THSD7B: variants seen among roughly 807,000 people sequenced by gnomAD.
THSD7B encodes the protein thrombospondin type 1 domain containing 7B.
THSD7B carries 138 observed loss-of-function variants against 213.6 expected under a neutral mutation model. That is an observed-to-expected ratio of 0.65 (90% CI 0.56 to 0.74). THSD7B has a LOEUF of 0.74. Among genes scored for constraint, THSD7B ranks in the 30% least tolerant of loss-of-function variants. THSD7B has a pLI of 0.00. For missense variants in THSD7B, 1,931 were observed against 1,991.5 expected, an observed-to-expected ratio of 0.97 and a Z score of 0.58; for synonymous variants, 742 against 687.0, an observed-to-expected ratio of 1.08 and a Z score of -1.25.
At chr2:137,560,477 C>G (rs1033857514) in intron 15 of THSD7B, among the ~76,000 whole-genome samples, 1 of 152,080 alleles carries the variant, frequency 6.6e-6, no homozygotes, top group African/African-American at 2.4e-5. Context: ...AAACCAAACA[C>G]CACATGTTCT....
At chr2:136,801,214 T>G (rs1169819270) in intron 1 of THSD7B, among the ~76,000 whole-genome samples, 1 of 152,130 alleles carries the variant, frequency 6.6e-6, no homozygotes, top group Admixed American at 6.6e-5. Context: ...CAAATAATTT[T>G]AGACTAAAAT....
chr2:137,050,907 G>A (rs1687061038), intron 2 of THSD7B, among the ~76,000 whole-genome samples: 2 of 152,186 alleles, frequency 1.3e-5, no homozygotes, highest in Non-Finnish European at 2.9e-5. Context: ...GCGTAACTCA[G>A]TAATGGATAT....
intron 12 of THSD7B, among the ~76,000 whole-genome samples, chr2:137,373,047 A>G (rs796289545): frequency 6.6e-6 from 1 of 151,832 alleles, no homozygotes; most frequent in African/African-American, 2.4e-5. Flanking sequence ...TTATGGCTGC[A>G]TAGTATTCCA....
At chr2:137,313,553 T>A (rs1205833238) in intron 12 of THSD7B, among the ~76,000 whole-genome samples, 1 of 151,246 alleles carries the variant, frequency 6.6e-6, no homozygotes, top group Non-Finnish European at 1.5e-5. Flanking sequence ...GTCATTATGA[T>A]GTTAGCTGGT....
At chr2:136,884,191 C>T (rs1024848362) in intron 2 of THSD7B, among the ~76,000 whole-genome samples, 2 of 152,110 alleles carry the variant, frequency 1.3e-5, no homozygotes, top group Admixed American at 6.6e-5. Flanking sequence ...CATGCGAAGT[C>T]GGCAGTTGAG....
Position 137,425,382 on chromosome 2 carries a change from A to C in THSD7B, c.2959+13510A>C, listed in dbSNP as rs530929497. On this transcript the variant is annotated intron_variant, in intron 14 of 27. Coordinates refer to ENST00000409968, the MANE Select transcript of THSD7B (RefSeq NM_001316349.2). ...CAGGCATGCACCACCACGCCCAGCT[A>C]ATTTTTGTAATTTTAGTAGAGGTGG... Among the ~76,000 whole-genome samples the C allele has an allele frequency of 4.9e-3, 749 of 151,852 alleles. 6 individuals are homozygous for C. Among genetic ancestry groups the C allele is most frequent in the African/African-American group, 0.017 (716 of 41,436 alleles).
chr2:137,205,178 T>G (rs1418824500), intron 7 of THSD7B, among the ~76,000 whole-genome samples: 1 of 152,070 alleles, frequency 6.6e-6, no homozygotes, highest in Non-Finnish European at 1.5e-5. Flanking sequence ...TGTTGCTGGA[T>G]AGAGTGCCAG....
intron 14 of THSD7B, 50 bp from the exon 15 acceptor site, chr2:137,450,795 G>T: frequency 7.5e-7 from 1 of 1,328,632 alleles, no homozygotes. Flanking sequence ...AAGTGAATTT[G>T]ATCAGTACAT....
intron 19 of THSD7B, 98 bp from the exon 20 acceptor site, chr2:137,620,507 GGTTA>G: frequency 7.4e-6 from 6 of 808,408 alleles, no homozygotes; most frequent in Non-Finnish European, 1.2e-5. Context: ...AATATGGAAA[GGTTA>G]TTATCACAGA....
intron 12 of THSD7B, among the ~76,000 whole-genome samples, chr2:137,384,794 G>T (rs796215253): frequency 1.3e-5 from 2 of 152,140 alleles, no homozygotes; most frequent in African/African-American, 4.8e-5. Flanking sequence ...TGGGGAAACT[G>T]CTCTAGGAGG....
chr2:137,213,030 T>TAAAAA (rs59100734), intron 7 of THSD7B, among the ~76,000 whole-genome samples: 27 of 126,752 alleles, frequency 2.1e-4, no homozygotes, highest in African/African-American at 7.3e-4. Flanking sequence ...ATCTGTATGC[T>TAAAAA]AAAAAAAAAA....
intron 12 of THSD7B, among the ~76,000 whole-genome samples, chr2:137,336,754 AT>A: frequency 6.6e-6 from 1 of 152,192 alleles, no homozygotes; most frequent in East Asian, 1.9e-4. Context: ...ACTTTTTCTT[AT>A]TTTTAGACCA....
At chr2:137,484,290 G>C (rs1046826680) in intron 15 of THSD7B, among the ~76,000 whole-genome samples, 1 of 149,474 alleles carries the variant, frequency 6.7e-6, no homozygotes, top group Non-Finnish European at 1.5e-5. Context: ...TTGTTCTTGC[G>C]ATAGTTTACT....
intron 1 of THSD7B, among the ~76,000 whole-genome samples, chr2:136,806,056 C>T (rs181760762): frequency 3.9e-5 from 6 of 152,178 alleles, no homozygotes; most frequent in African/African-American, 1.4e-4. Flanking sequence ...GTGGGAGTCC[C>T]TCAGGGAAAT....
chr2:136,830,305 T>C (rs991696382), intron 1 of THSD7B, among the ~76,000 whole-genome samples: 2 of 152,128 alleles, frequency 1.3e-5, no homozygotes, highest in Non-Finnish European at 2.9e-5. Flanking sequence ...GTACATTAAG[T>C]CAAAAGATGG....
At chr2:136,982,656 C>T (rs1273305820) in intron 2 of THSD7B, among the ~76,000 whole-genome samples, 1 of 152,056 alleles carries the variant, frequency 6.6e-6, no homozygotes, top group African/African-American at 2.4e-5. Flanking sequence ...TTCACACACA[C>T]ACAAAAAATC....
intron 4 of THSD7B, among the ~76,000 whole-genome samples, chr2:137,103,578 C>T (rs1006019936): frequency 2.0e-5 from 3 of 152,000 alleles, no homozygotes; most frequent in African/African-American, 7.2e-5. Flanking sequence ...AATTAAAAGA[C>T]ACAGACTGGC....
intron 17 of THSD7B, among the ~76,000 whole-genome samples, chr2:137,573,584 T>G (rs2105236244): frequency 6.6e-6 from 1 of 152,212 alleles, no homozygotes; most frequent in South Asian, 2.1e-4. Flanking sequence ...AAGTGGGATA[T>G]TTGTACTACT....
chr2:137,545,115 T>A (rs1680683736), intron 15 of THSD7B, among the ~76,000 whole-genome samples: 1 of 151,816 alleles, frequency 6.6e-6, no homozygotes, highest in South Asian at 2.1e-4. Context: ...CAGCTGTATT[T>A]TTGATGAAGA....
Sources: gnomAD v4.1 joint callset for allele counts (sites outside exome capture counted in the v4.1 genomes callset) on GRCh38, gnomAD v4.1.1 for gene constraint, MANE v1.5 for transcripts, NCBI Gene and HGNC (gene_info 2026-07-23, HGNC 2026-07-21) for gene names.